The following DQX1 variants were observed in gnomAD, a reference collection of about 807,000 sequenced individuals.
DQX1 encodes the protein ATP-dependent RNA helicase homolog DQX1.
A neutral mutation model predicts 81.3 loss-of-function variants in DQX1; 66 were observed. The observed-to-expected ratio is 0.81, with a 90% CI of 0.67 to 1.00. The LOEUF (loss-of-function observed/expected upper bound fraction) is 1.00. Ranked by LOEUF, DQX1 falls within the 50% of genes least tolerant of loss-of-function variation. The pLI is 0.00. For missense variants in DQX1, 798 were observed against 867.9 expected, an observed-to-expected ratio of 0.92 and a Z score of 1.01; for synonymous variants, 290 against 350.0, an observed-to-expected ratio of 0.83 and a Z score of 1.91.
intron 11 of DQX1, among the ~76,000 whole-genome samples, 187 bp downstream of exon 11, chr2:74,518,853 A>G (rs1270526363): frequency 6.6e-6 from 1 of 152,198 alleles, no homozygotes; most frequent in Non-Finnish European, 1.5e-5. Context: ...CTAGGTCTCC[A>G]AAAGTGCATC....
At chr2:74,518,706 G>A in intron 11 of DQX1, 104 bp from the exon 12 acceptor site, 1 of 1,137,374 alleles carries the variant, frequency 8.8e-7, no homozygotes. Flanking sequence ...GAGTTCAGTG[G>A]CATGATCATA....
intron 4 of DQX1, 97 bp from the exon 5 acceptor site, chr2:74,523,634 C>T (rs942485807): frequency 2.6e-5 from 32 of 1,211,148 alleles, no homozygotes; most frequent in Middle Eastern, 2.6e-4. Context: ...GCCCTTCACT[C>T]TGAGAAAATG....
Position 74,525,026 on chromosome 2 carries a change from C to A in DQX1, c.414G>T (p.Gly138=). Residue 138 remains glycine, a synonymous_variant, in exon 3 of 12, where the codon GGG becomes GGT. Coordinates refer to ENST00000404568, the MANE Select transcript of DQX1 (RefSeq NM_133637.3). This position sits in a 1 kb window ranked among gnomAD's most constrained non-coding sequence, Gnocchi z 4.1. ...GCCCCCACCTGAGCAGGGTGTTGGG[C>A]CCCGTGCAGTCCTCCTGGGGGATGC... ...GYSIPQEDCT[G]PNTLLRFCWD... is the part of the protein sequence containing the mutation. The A allele has an allele frequency of 6.2e-7, 1 of 1,613,982 alleles. No individual in the cohort carries two copies. The highest frequency in any genetic ancestry group is 8.5e-7 in the Non-Finnish European group (1 of 1,179,954).
At position 74,525,056 on chromosome 2, in the gene DQX1, T is replaced by A. The variant is rs376714633; in HGVS notation, c.384A>T (p.Gly128=). ...EMDLTLGHEV[G]YSIPQEDCTG... ...TGCAGTCCTCCTGGGGGATGCTGTA[T>A]CCAACCTCATGACCCAGGGTCAGGT... is the stretch of plus-strand genomic sequence containing the variant. Residue 128 remains glycine (G), a synonymous_variant, in exon 3 of 12, where the codon GGA becomes GGT. Coordinates refer to ENST00000404568, the MANE Select transcript of DQX1 (RefSeq NM_133637.3). The surrounding 1 kb of genome is among the most constrained non-coding windows in gnomAD (Gnocchi z 4.1). The A allele has an allele frequency of 4.2e-5, 67 of 1,613,938 alleles. No individual in the cohort carries two copies. The highest frequency in any genetic ancestry group is 5.3e-5 in the Non-Finnish European group (62 of 1,180,006).
At position 74,523,314 on chromosome 2, in the gene DQX1, C is replaced by T. The variant is rs773034844; in HGVS notation, c.1040G>A (p.Arg347Gln). 26 of 1,614,038 alleles carry T rather than the reference C, an allele frequency of 1.6e-5. No individual in the cohort carries two copies. Among genetic ancestry groups the T allele is most frequent in the East Asian group, 1.1e-4 (5 of 44,900 alleles). Residue 347 changes from arginine to glutamine, a missense_variant, in exon 5 of 12, where the codon CGA (arginine) becomes CAA (glutamine). Coordinates refer to ENST00000404568, the MANE Select transcript of DQX1 (RefSeq NM_133637.3). The part of the protein sequence containing the change: ...QHVIDSGLEL[R>Q]SVYNPRIRAE... ...CTATCTCTCTCTCTCACTCACACTT[C>T]GGAGCTCCAGTCCTGAGTCGATGAC...
chr2:74,524,271 G>A lies in DQX1; in HGVS notation c.468C>T (p.Ala156=), dbSNP rs1264017827. The change falls in exon 4 of 12, where the codon GCC becomes GCT. Residue 156 remains alanine, a synonymous_variant. Transcript: ENST00000404568. ...CCCAGGCTCCAGTGCCTCGGGTCGA[G>A]GCCACCTCCTGCAGAAGCAGCCTGT... is the stretch of plus-strand genomic sequence containing the variant. The part of the protein sequence containing the change: ...CWDRLLLQEV[A]STRGTGAWGV... 1.2e-6 allele frequency: 2 copies of A among 1,613,548 alleles called. No individual in the cohort carries two copies. Among genetic ancestry groups the A allele is most frequent in the East Asian group, 4.5e-5 (2 of 44,896 alleles).
At position 74,519,071 on chromosome 2, in the gene DQX1, G is replaced by A; in HGVS notation, c.1966C>T (p.Leu656Phe). 2.5e-6 allele frequency: 4 copies of A among 1,599,108 alleles called. No homozygotes were observed. The highest frequency in any genetic ancestry group is 3.4e-6 in the Non-Finnish European group (4 of 1,172,524). Residue 656 changes from leucine to phenylalanine, a missense_variant, in exon 11 of 12, where the codon CTT (leucine) becomes TTT (phenylalanine). Coordinates refer to ENST00000404568, the MANE Select transcript of DQX1 (RefSeq NM_133637.3). ...GGTTGAATCTCAGAAACAATGGAAA[G>A]GCAGTTGTCTTTGGATATGGTGAAA... is the stretch of plus-strand genomic sequence containing the variant. ...HNFTISKDNC[L>F]SIVSEIQPQM... is the part of the protein sequence containing the mutation.
Position 74,524,261 on chromosome 2 carries a change from C to T in DQX1, c.478G>A (p.Gly160Ser). The change falls in exon 4 of 12, where the codon GGC becomes AGC. Residue 160 changes from glycine (G) to serine (S), a missense_variant. Coordinates refer to ENST00000404568, the MANE Select transcript of DQX1 (RefSeq NM_133637.3). ...LLLQEVASTR[G>S]TGAWGVLVLD... ...ACCAGCACGCCCCAGGCTCCAGTGCCTCGGGTCGAGGCCACCTCCTGCAGA... is the reference window on the plus strand; with the variant it reads ...ACCAGCACGCCCCAGGCTCCAGTGCTTCGGGTCGAGGCCACCTCCTGCAGA... The T allele has an allele frequency of 6.2e-7, 1 of 1,613,974 alleles. No individual in the cohort carries two copies. The highest frequency in any genetic ancestry group is 1.1e-5 in the South Asian group (1 of 91,074).
chr2:74,525,749 C>A lies in DQX1; in HGVS notation c.-19-1G>T. On this transcript the variant is annotated splice_acceptor_variant, in intron 1 of 11. Transcript: ENST00000404568. LOFTEE classifies it low-confidence loss of function (5UTR_SPLICE). This position sits in a 1 kb window ranked among gnomAD's most constrained non-coding sequence, Gnocchi z 4.1. ...GGTCATGGTGGCTCTCTGGCAGGAC[C>A]TGCAGAAGGCAGAGCAGCCAGTAAG... The A allele has an allele frequency of 1.3e-6, 2 of 1,545,164 alleles. No homozygotes were observed. The highest frequency in any genetic ancestry group is 1.8e-6 in the Non-Finnish European group (2 of 1,142,222).
intron 4 of DQX1, 112 bp downstream of exon 4, chr2:74,523,811 C>T (rs1426699603): frequency 5.0e-6 from 7 of 1,401,716 alleles, no homozygotes; most frequent in Non-Finnish European, 6.6e-6. Context: ...TCTACTGTTC[C>T]TAAGAGGCAT....
chr2:74,522,581 T>C lies in DQX1; in HGVS notation c.1494A>G (p.Thr498=), dbSNP rs1675055836. Residue 498 remains threonine (T), a splice_region_variant and synonymous_variant, in exon 8 of 12, where the codon ACA becomes ACG. Coordinates refer to ENST00000404568, the MANE Select transcript of DQX1 (RefSeq NM_133637.3). ...TGGATTTACAGCAGCGATTTATACC[T>C]GTGAGCATGGCAGCCAGGGTGAGCA... ...DEMLTLAAML[T]AAPGFTRPPL... 1 of 1,612,606 alleles carries C rather than the reference T, an allele frequency of 6.2e-7. No individual in the cohort carries two copies. Among genetic ancestry groups the C allele is most frequent in the South Asian group, 1.1e-5 (1 of 90,872 alleles).
At chr2:74,519,802 C>G in intron 9 of DQX1, 56 bp from the exon 10 acceptor site, 1 of 1,605,752 alleles carries the variant, frequency 6.2e-7, no homozygotes, top group Non-Finnish European at 8.5e-7. Flanking sequence ...TGAAATAACC[C>G]AACCCTTAGC....
rs761984659 is a variant in DQX1, at chr2:74,522,968, A to G, written c.1191T>C (p.Ala397=). 3.7e-6 allele frequency: 6 copies of G among 1,614,168 alleles called. No individual in the cohort carries two copies. Among genetic ancestry groups the G allele is most frequent in the Non-Finnish European group, 4.2e-6 (5 of 1,180,022 alleles). The change falls in exon 7 of 12, where the codon GCT becomes GCC. Residue 397 remains alanine (A), a synonymous_variant. Transcript: ENST00000404568. ...ACACCCTGGGTTGTGGCAATGGTGG[A>G]GCTTCTAGTTCTAAGAAGGACTTAG... ...LYPKSFLELE[A]PPLPQPRVCE...
intron 11 of DQX1, 24 bp downstream of exon 11, chr2:74,519,016 T>C (rs1674956823): frequency 6.4e-7 from 1 of 1,552,238 alleles, no homozygotes; most frequent in East Asian, 2.3e-5. Context: ...ATAGGCAGTA[T>C]AGGAGGGATG....
chr2:74,525,557 A>G lies in DQX1; in HGVS notation c.173T>C (p.Leu58Ser), dbSNP rs1675154659. 5 of 1,552,150 alleles carry G rather than the reference A, an allele frequency of 3.2e-6. No individual in the cohort carries two copies. In the South Asian group the frequency reaches 5.9e-5, roughly 18 times the overall value. The change falls in exon 2 of 12, where the codon TTG becomes TCG. Residue 58 changes from leucine (L) to serine (S), a missense_variant. Leu to Ser is a moderately radical substitution (Grantham distance 145). Coordinates refer to ENST00000404568, the MANE Select transcript of DQX1 (RefSeq NM_133637.3). This position sits in a 1 kb window ranked among gnomAD's most constrained non-coding sequence, Gnocchi z 4.1. The part of the protein sequence containing the change: ...WAARFTFLEQ[L>S]ESNPTGVVLV... ...CACCACTCCAGTGGGGTTACTCTCCAACTGCTCCAAGAAGGTAAAGCGAGC... is the reference window on the plus strand; with the variant it reads ...CACCACTCCAGTGGGGTTACTCTCCGACTGCTCCAAGAAGGTAAAGCGAGC...
At chr2:74,522,532 G>A (rs781124609) in intron 8 of DQX1, 48 bp downstream of exon 8, 1 of 1,572,248 alleles carries the variant, frequency 6.4e-7, no homozygotes, top group African/African-American at 1.4e-5. Context: ...CCAAGAGGAA[G>A]GGCTGAAGTG....
chr2:74,521,700 G>T (rs1260007201), intron 8 of DQX1, among the ~76,000 whole-genome samples: 2 of 149,942 alleles, frequency 1.3e-5, no homozygotes, highest in Non-Finnish European at 3.0e-5. Context: ...AGGAGTTGGA[G>T]TATGCTCTCT....
Position 74,525,484 on chromosome 2 carries a change from C to A in DQX1, c.237+9G>T. Reference sequence around the variant, plus strand: ...CAGAATCTGCCTGCCCCCACAACCCCCACCACACCTGGGTGCTCTTGCCAG... The same window carrying A: ...CAGAATCTGCCTGCCCCCACAACCCACACCACACCTGGGTGCTCTTGCCAG... On this transcript the variant is annotated intron_variant, in intron 2 of 11. Coordinates refer to ENST00000404568, the MANE Select transcript of DQX1 (RefSeq NM_133637.3). The surrounding 1 kb of genome is among the most constrained non-coding windows in gnomAD (Gnocchi z 4.1). 2 of 1,551,694 alleles carry A rather than the reference C, an allele frequency of 1.3e-6. No individual in the cohort carries two copies. Among genetic ancestry groups the A allele is most frequent in the Admixed American group, 2.0e-5 (1 of 51,006 alleles).
chr2:74,524,357 C>T (rs1268437634), intron 3 of DQX1, 50 bp from the exon 4 acceptor site: 1 of 1,554,474 alleles, frequency 6.4e-7, no homozygotes, highest in Non-Finnish European at 8.7e-7. Context: ...ACTGACCAGC[C>T]CCACAAGCTC....
Sources: allele counts gnomAD v4.1 joint callset (sites outside exome capture counted in the v4.1 genomes callset), GRCh38; gene constraint gnomAD v4.1.1; non-coding constraint Gnocchi (gnomAD v3.1); transcripts MANE v1.5; gene names NCBI Gene and HGNC (gene_info 2026-07-23, HGNC 2026-07-21).